The following C2orf92 variants were observed in gnomAD, a reference collection of about 807,000 sequenced individuals.
C2orf92 encodes chromosome 2 open reading frame 92.
In C2orf92 at chr2:97,688,961, T is replaced by A. The variant is rs1676048662; in HGVS notation, c.299T>A (p.Val100Asp). 1 of 398,600 alleles carries A rather than the reference T, an allele frequency of 2.5e-6. No individual in the cohort carries two copies. The highest frequency in any genetic ancestry group is 2.1e-5 in the African/African-American group (1 of 48,750). 24.7% of individuals were successfully genotyped at this position (398,600 alleles called of 1,614,324 possible). ...YDPSFNEATA[V>D]RSITKTDMRK... ...CCATCATTTAACGAAGCAACAGCAG[T>A]CAGATCCATTACAAAGACAGACATG... The change falls in exon 4 of 8, where the codon GTC (valine) becomes GAC (aspartate). Residue 100 changes from valine to aspartate, a missense_variant. Val to Asp is a radical substitution (Grantham distance 152). Coordinates refer to ENST00000627399, the MANE Select transcript of C2orf92 (RefSeq NM_001351368.2).
chr2:97,693,002 G>T (rs55766309), intron 5 of C2orf92, among the ~76,000 whole-genome samples: 2 of 152,156 alleles, frequency 1.3e-5, no homozygotes, highest in Admixed American at 6.5e-5. Context: ...CTGTCCAAAA[G>T]ATACTTTTTG....
intron 3 of C2orf92, among the ~76,000 whole-genome samples, chr2:97,679,186 T>C (rs1183443083): frequency 1.4e-5 from 2 of 141,794 alleles, no homozygotes; most frequent in Non-Finnish European, 3.2e-5. Flanking sequence ...AAAAAAAAAA[T>C]GCTGGTAAAG....
intron 3 of C2orf92, among the ~76,000 whole-genome samples, chr2:97,679,863 GAAAA>G (rs1675708905): frequency 7.0e-6 from 1 of 143,628 alleles, no homozygotes; most frequent in East Asian, 2.0e-4. Context: ...AGAAAAAAAA[GAAAA>G]AGAAATAAAG....
chr2:97,675,738 T>C (rs1675552697), intron 2 of C2orf92, 107 bp from the exon 3 acceptor site: 3 of 397,916 alleles, frequency 7.5e-6, no homozygotes, highest in Non-Finnish European at 1.3e-5. Flanking sequence ...TCAGGCCAAG[T>C]GCATGATGCT....
intron 7 of C2orf92, 137 bp from the exon 8 acceptor site, chr2:97,702,532 C>T: frequency 2.5e-6 from 1 of 394,720 alleles, no homozygotes. Flanking sequence ...AAAAGAATTT[C>T]ACAGATGACA....
intron 1 of C2orf92, chr2:97,671,334 C>CG (rs34273386): frequency 0.63 from 247,762 of 390,810 alleles, 83,385 homozygotes; most frequent in Non-Finnish European, 0.73. Flanking sequence ...TTTGTAGAGT[C>CG]GGGGGTCTCC....
intron 3 of C2orf92, among the ~76,000 whole-genome samples, chr2:97,677,943 G>T (rs1348952726): frequency 6.6e-6 from 1 of 152,216 alleles, no homozygotes; most frequent in African/African-American, 2.4e-5. Flanking sequence ...GCACATGCCT[G>T]TAATCCCAGA....
At chr2:97,669,657 G>T, upstream of C2orf92, 1 of 394,302 alleles carries the variant, frequency 2.5e-6, no homozygotes, top group Admixed American at 4.4e-5. Context: ...TGGTTGAGCA[G>T]GCTCCACCTC....
At position 97,690,077 on chromosome 2, in the gene C2orf92, G is replaced by A. The variant is rs2104581436; in HGVS notation, c.332-179G>A. Among the ~76,000 whole-genome samples, 2 of 151,984 alleles carry A rather than the reference G, an allele frequency of 1.3e-5. 1 individual carries two copies. The highest frequency in any genetic ancestry group is 4.2e-4 in the South Asian group (2 of 4,814). On this transcript the variant is annotated intron_variant, in intron 4 of 7. Transcript: ENST00000627399. The stretch of plus-strand genomic sequence containing the variant: ...ACCTGGGAGGCGGAGGTTGCCGTGA[G>A]CCGAGATCTTGCCACTGCACTCCAG...
rs114506480 is a variant in C2orf92, at chr2:97,686,749, C to T, written c.233-2146C>T. Reference sequence around the variant, plus strand: ...CAGTTGATTTAAAAGTTCTGGAAGCCGAGCGCCTCAGTCCCAGCACTTTGG... The same window carrying T: ...CAGTTGATTTAAAAGTTCTGGAAGCTGAGCGCCTCAGTCCCAGCACTTTGG... On this transcript the variant is annotated intron_variant, in intron 3 of 7. Transcript: ENST00000627399. Among the ~76,000 whole-genome samples, 501 of 151,868 alleles carry T rather than the reference C, an allele frequency of 3.3e-3. 4 individuals are homozygous for T. Among genetic ancestry groups the T allele is most frequent in the African/African-American group, 0.011 (453 of 41,462 alleles).
intron 3 of C2orf92, among the ~76,000 whole-genome samples, chr2:97,688,519 C>G (rs557483273): frequency 1.3e-5 from 2 of 152,172 alleles, no homozygotes; most frequent in Non-Finnish European, 2.9e-5. Context: ...AGAATCTGTT[C>G]TGATTCATCT....
At chr2:97,688,532 G>T (rs143445139) in intron 3 of C2orf92, among the ~76,000 whole-genome samples, 1 of 152,272 alleles carries the variant, frequency 6.6e-6, no homozygotes, top group East Asian at 1.9e-4. Flanking sequence ...ATTCATCTGT[G>T]CCCTCACAAA....
intron 3 of C2orf92, among the ~76,000 whole-genome samples, chr2:97,678,710 C>T (rs1214973659): frequency 3.3e-5 from 5 of 151,716 alleles, no homozygotes; most frequent in Non-Finnish European, 5.9e-5. Flanking sequence ...TGGCTCATTC[C>T]TGTAATCCCA....
At chr2:97,698,447 G>A (rs1022903444) in intron 5 of C2orf92, among the ~76,000 whole-genome samples, 4 of 152,184 alleles carry the variant, frequency 2.6e-5, no homozygotes, top group Non-Finnish European at 4.4e-5. Flanking sequence ...TCCCTCTACT[G>A]ATACCTGAAT....
At chr2:97,676,881 G>A (rs1344834466) in intron 3 of C2orf92, among the ~76,000 whole-genome samples, 1 of 152,180 alleles carries the variant, frequency 6.6e-6, no homozygotes, top group Admixed American at 6.5e-5. Flanking sequence ...ATTCTAGGCT[G>A]TGACTCATTC....
At chr2:97,673,113 C>G (rs1675467736) in intron 1 of C2orf92, among the ~76,000 whole-genome samples, 2 of 152,140 alleles carry the variant, frequency 1.3e-5, no homozygotes, top group Non-Finnish European at 2.9e-5. Flanking sequence ...TTTGTTTCTG[C>G]CCCCATGGCT....
At chr2:97,695,713 GACA>G (rs1166755998) in intron 5 of C2orf92, among the ~76,000 whole-genome samples, 2 of 151,842 alleles carry the variant, frequency 1.3e-5, no homozygotes, top group African/African-American at 2.4e-5. Context: ...GAGAAGCCAG[GACA>G]ACATTTTTTC....
intron 5 of C2orf92, among the ~76,000 whole-genome samples, chr2:97,694,086 C>A (rs1676225674): frequency 6.6e-6 from 1 of 152,028 alleles, no homozygotes; most frequent in Non-Finnish European, 1.5e-5. Context: ...ATCTCAGCAT[C>A]CCCTGGCAAC....
chr2:97,665,135 C>T (rs1015161059), upstream of C2orf92, among the ~76,000 whole-genome samples: 2 of 152,138 alleles, frequency 1.3e-5, no homozygotes, highest in African/African-American at 4.8e-5. Flanking sequence ...GCAGGTAGCC[C>T]CCTGCGGCAC....
Sources: allele counts gnomAD v4.1 joint callset (sites outside exome capture counted in the v4.1 genomes callset), GRCh38; gene constraint gnomAD v4.1.1; transcripts MANE v1.5; gene names NCBI Gene and HGNC (gene_info 2026-07-23, HGNC 2026-07-21).